The following KIAA1549L variants were observed in gnomAD, a reference collection of about 807,000 sequenced individuals.
KIAA1549L encodes UPF0606 protein KIAA1549L.
In KIAA1549L, 88 loss-of-function variants were observed where a neutral mutation model predicts 160.7. The ratio of observed to expected loss-of-function variants is 0.55; its 90% CI spans 0.46 to 0.65. KIAA1549L has a LOEUF of 0.65. Ranked by LOEUF, KIAA1549L falls within the 30% of genes least tolerant of loss-of-function variation. KIAA1549L has a pLI of 0.00. For missense variants in KIAA1549L, 2,258 were observed against 2,437.5 expected (o/e 0.93, Z 1.55); for synonymous variants, 950 against 976.7 (o/e 0.97, Z 0.51).
chr11:33,530,257 C>A (rs1184387946), intron 1 of KIAA1549L, among the ~76,000 whole-genome samples: 1 of 135,118 alleles, frequency 7.4e-6, no homozygotes, highest in Non-Finnish European at 1.6e-5. Context: ...AAAAAATTAG[C>A]CGGGCGTGAT....
intron 1 of KIAA1549L, among the ~76,000 whole-genome samples, chr11:33,435,818 G>GTGTGTGTGTGTGTATATATATATATGTA (rs1554976830): frequency 4.4e-5 from 2 of 45,308 alleles, no homozygotes; most frequent in Non-Finnish European, 8.6e-5. Context: ...ATATGTGTGT[G>GTGTGTGTGTGTGTATATATATATATGTA]TATATATATA....
chr11:33,655,766 C>G (rs1193651331), intron 17 of KIAA1549L, among the ~76,000 whole-genome samples: 1 of 152,128 alleles, frequency 6.6e-6, no homozygotes, highest in East Asian at 1.9e-4. Context: ...CAAGGTGAGA[C>G]AGAACTTGGC....
chr11:33,567,721 C>T (rs1323540229), intron 8 of KIAA1549L, among the ~76,000 whole-genome samples: 1 of 152,208 alleles, frequency 6.6e-6, no homozygotes, highest in Non-Finnish European at 1.5e-5. Context: ...CACAGATCAT[C>T]ATCTTAGGTG....
At chr11:33,507,309 A>G (rs1334302805) in intron 1 of KIAA1549L, among the ~76,000 whole-genome samples, 3 of 152,218 alleles carry the variant, frequency 2.0e-5, no homozygotes, top group African/African-American at 7.2e-5. Flanking sequence ...GGAGCATGAT[A>G]TAAAAGCTTA....
intron 1 of KIAA1549L, among the ~76,000 whole-genome samples, chr11:33,519,032 A>G (rs1019681451): frequency 1.3e-5 from 2 of 152,216 alleles, no homozygotes; most frequent in African/African-American, 2.4e-5. Context: ...GGGATGCTCA[A>G]CCTGTACTCA....
chr11:33,416,063 A>AC (rs1850882395), intron 1 of KIAA1549L, among the ~76,000 whole-genome samples: 3 of 152,026 alleles, frequency 2.0e-5, no homozygotes, highest in Admixed American at 6.6e-5. Flanking sequence ...CAACCAACCA[A>AC]TAAAAAGGCT....
chr11:33,591,146 C>T, intron 11 of KIAA1549L, 91 bp from the exon 12 acceptor site: 1 of 856,134 alleles, frequency 1.2e-6, no homozygotes, highest in Non-Finnish European at 1.9e-6. Context: ...TAAGTTTGGT[C>T]CCATCTTTTT....
rs746974626 is a variant in KIAA1549L at position 33,542,486 on chromosome 11, ATCTCATAGGCATC to A, written c.924_936del (p.Gly311Ter). 1 of 1,613,454 alleles carries A rather than the reference ATCTCATAGGCATC, an allele frequency of 6.2e-7. No individual in the cohort carries two copies. Among genetic ancestry groups the A allele is most frequent in the East Asian group, 2.2e-5 (1 of 44,866 alleles). ...CACACTGCATCCCAAAATGCCCAGG[ATCTCATAGGCATC>A]CCTCATCTAGGTGTTTCTGGATCCT... On this transcript the variant is annotated frameshift_variant, in exon 2 of 21. Coordinates refer to ENST00000658780, the MANE Select transcript of KIAA1549L (RefSeq NM_012194.3). LOFTEE classifies it high-confidence loss of function.
intron 1 of KIAA1549L, among the ~76,000 whole-genome samples, chr11:33,529,189 A>T (rs1853682550): frequency 1.3e-5 from 2 of 152,082 alleles, no homozygotes; most frequent in South Asian, 4.2e-4. Flanking sequence ...TACAAAAATG[A>T]GACGAGTGTG....
intron 11 of KIAA1549L, among the ~76,000 whole-genome samples, chr11:33,589,292 A>G (rs1398403899): frequency 1.3e-5 from 2 of 152,174 alleles, no homozygotes; most frequent in Non-Finnish European, 2.9e-5. Context: ...GAGAAATAGG[A>G]ACACTTTTAC....
At chr11:33,589,293 A>G (rs1357237760) in intron 11 of KIAA1549L, among the ~76,000 whole-genome samples, 2 of 152,194 alleles carry the variant, frequency 1.3e-5, no homozygotes, top group East Asian at 3.8e-4. Flanking sequence ...AGAAATAGGA[A>G]CACTTTTACA....
At chr11:33,630,071 TG>T (rs1358452919) in intron 16 of KIAA1549L, among the ~76,000 whole-genome samples, 2 of 152,004 alleles carry the variant, frequency 1.3e-5, no homozygotes, top group Admixed American at 6.5e-5. Context: ...CTGCCTCTGC[TG>T]GGGGGTGCCT....
intron 1 of KIAA1549L, among the ~76,000 whole-genome samples, chr11:33,408,489 G>GTGTATATATATA (rs34208718): frequency 1.6e-3 from 201 of 123,056 alleles, no homozygotes; most frequent in African/African-American, 5.4e-3. Flanking sequence ...CTGTATATGT[G>GTGTATATATATA]TATATATATA....
chr11:33,571,754 A>T (rs556402806), intron 9 of KIAA1549L, among the ~76,000 whole-genome samples: 1 of 152,168 alleles, frequency 6.6e-6, no homozygotes, highest in African/African-American at 2.4e-5. Context: ...CTGGGATTAC[A>T]CAATTCAACA....
In KIAA1549L at chr11:33,544,843, T is replaced by G. The variant is rs1430699284; in HGVS notation, c.2850T>G (p.Pro950=). Residue 950 remains proline, a synonymous_variant, in exon 3 of 21, where the codon CCT becomes CCG. Transcript: ENST00000658780. ...TGTTTCTGAGGAAATCAAGTCCACC[T>G]GCACTGTCTGCAGCCCTGGTTGCTA... The part of the protein sequence containing the change: ...VTLFLRKSSP[P]ALSAALVAKG... The G allele has an allele frequency of 3.7e-6, 6 of 1,613,436 alleles. No individual in the cohort carries two copies. Among genetic ancestry groups the G allele is most frequent in the Non-Finnish European group, 5.1e-6 (6 of 1,179,648 alleles).
At chr11:33,481,446 T>G (rs907367158) in intron 1 of KIAA1549L, among the ~76,000 whole-genome samples, 1 of 152,256 alleles carries the variant, frequency 6.6e-6, no homozygotes, top group Non-Finnish European at 1.5e-5. Context: ...CATAAATTGT[T>G]GCCTGGTTTA....
At chr11:33,477,916 C>G (rs1852324640) in intron 1 of KIAA1549L, among the ~76,000 whole-genome samples, 1 of 152,108 alleles carries the variant, frequency 6.6e-6, no homozygotes, top group Non-Finnish European at 1.5e-5. Context: ...GTTCATAGAC[C>G]CAAGGAACAG....
At chr11:33,530,783 T>G (rs1401163065) in intron 1 of KIAA1549L, among the ~76,000 whole-genome samples, 1 of 152,136 alleles carries the variant, frequency 6.6e-6, no homozygotes. Flanking sequence ...TTCTGAAAAT[T>G]TATAATCAAG....
chr11:33,558,180 G>A (rs933436354), intron 6 of KIAA1549L, among the ~76,000 whole-genome samples: 2 of 152,086 alleles, frequency 1.3e-5, no homozygotes, highest in Non-Finnish European at 2.9e-5. Flanking sequence ...AACACCCAAA[G>A]GTCTGGGAAA....
Sources: allele counts gnomAD v4.1 joint callset (sites outside exome capture counted in the v4.1 genomes callset), GRCh38; gene constraint gnomAD v4.1.1; transcripts MANE v1.5; gene names NCBI Gene and HGNC (gene_info 2026-07-23, HGNC 2026-07-21).